DACH2: variants seen among roughly 807,000 people sequenced by gnomAD.
DACH2 encodes dachshund homolog 2.
Under a neutral mutation model 35.8 loss-of-function variants are expected in DACH2, and 17 were observed. The observed-to-expected ratio is 0.48, with a 90% CI of 0.33 to 0.71. The LOEUF (loss-of-function observed/expected upper bound fraction) is 0.71. Ranked by LOEUF, DACH2 falls within the 30% of genes least tolerant of loss-of-function variation. The pLI, the probability that DACH2 is intolerant of heterozygous loss-of-function variation, is 0.02. For missense variants in DACH2, 469 were observed against 472.7 expected, an observed-to-expected ratio of 0.99 and a Z score of 0.07; for synonymous variants, 195 against 177.3, an observed-to-expected ratio of 1.10 and a Z score of -0.79.
chrX:86,816,647 C>T (rs1460132219), intron 11 of DACH2, among the ~76,000 whole-genome samples: 1 of 111,612 alleles, frequency 9.0e-6, no homozygotes, highest in Admixed American at 9.5e-5. Flanking sequence ...ATGATTATCA[C>T]AATTGCTTAC....
At chrX:86,796,967 A>G (rs2042245800) in intron 7 of DACH2, among the ~76,000 whole-genome samples, 1 of 111,766 alleles carries the variant, frequency 8.9e-6, no homozygotes, top group South Asian at 3.7e-4. Flanking sequence ...TAATAAATTG[A>G]CAACAATAAC....
chrX:86,271,735 C>T (rs1158000747), intron 1 of DACH2, among the ~76,000 whole-genome samples: 1 of 111,725 alleles, frequency 9.0e-6, no homozygotes, highest in Non-Finnish European at 1.9e-5. Context: ...AAATATGTTA[C>T]CTTAAATTTT....
In DACH2 at chrX:86,714,594, C is replaced by G. The variant is rs1435475218; in HGVS notation, c.978C>G (p.Val326=). ...FMMMPHPLLP[V]SLPPASVAMA... ...TGATGCCTCATCCCCTACTTCCAGT[C>G]AGCTTACCTCCTGCATCAGTTGCCA... The change falls in exon 6 of 12, where the codon GTC becomes GTG. Residue 326 remains valine (V), a synonymous_variant. Transcript: ENST00000373125. 8.3e-7 allele frequency: 1 copy of G among 1,206,223 alleles called. No individual in the cohort carries two copies. Among genetic ancestry groups the G allele is most frequent in the African/African-American group, 1.7e-5 (1 of 57,211 alleles).
At chrX:86,318,119 G>A (rs956439619) in intron 1 of DACH2, among the ~76,000 whole-genome samples, 1 of 112,271 alleles carries the variant, frequency 8.9e-6, no homozygotes, top group Non-Finnish European at 1.9e-5. Flanking sequence ...CTGAATTCTA[G>A]AGGAACCAGG....
intron 3 of DACH2, among the ~76,000 whole-genome samples, chrX:86,575,924 C>A (rs766948942): frequency 8.9e-6 from 1 of 112,232 alleles, no homozygotes; most frequent in Admixed American, 9.5e-5. Context: ...AATATCTTTA[C>A]TAGTTATGAA....
At chrX:86,673,335 CAAAAAAAA>C (rs56877612) in intron 4 of DACH2, among the ~76,000 whole-genome samples, 2 of 43,196 alleles carry the variant, frequency 4.6e-5, no homozygotes, top group Admixed American at 3.7e-4. Flanking sequence ...GACTCCGTCT[CAAAAAAAA>C]AAAAAAAAAA....
chrX:86,149,970 A>G (rs187155007), intron 1 of DACH2, among the ~76,000 whole-genome samples: 23 of 111,616 alleles, frequency 2.1e-4, no homozygotes. Flanking sequence ...CATTCCCTTA[A>G]AGACAGGATT....
intron 1 of DACH2, among the ~76,000 whole-genome samples, chrX:86,162,331 T>C (rs1048653491): frequency 2.7e-5 from 3 of 111,026 alleles, no homozygotes; most frequent in South Asian, 3.8e-4. Context: ...TTAGCATTGA[T>C]GGAGTTCTAT....
At chrX:86,348,118 C>T (rs5968901) in intron 1 of DACH2, among the ~76,000 whole-genome samples, 5 of 110,375 alleles carry the variant, frequency 4.5e-5, no homozygotes, top group African/African-American at 1.6e-4. Flanking sequence ...TGGCCTCCAC[C>T]GTGCCGCATT....
chrX:86,554,376 T>C lies in DACH2; in HGVS notation c.640+39985T>C, dbSNP rs181441163. Among the ~76,000 whole-genome samples, 499 of 111,742 alleles carry C rather than the reference T, an allele frequency of 4.5e-3. 5 individuals are homozygous for C. The highest frequency in any genetic ancestry group is 0.015 in the African/African-American group (475 of 30,882). ...GTTTTAGTCTCAAGATTTTAAATGGTCACTCGTTTTATTATTAAGTTGTTT... is the reference window on the plus strand; with the variant it reads ...GTTTTAGTCTCAAGATTTTAAATGGCCACTCGTTTTATTATTAAGTTGTTT... On this transcript the variant is annotated intron_variant, in intron 3 of 11. Coordinates refer to ENST00000373125, the MANE Select transcript of DACH2 (RefSeq NM_053281.3).
chrX:86,601,798 C>T (rs980548933), intron 3 of DACH2, among the ~76,000 whole-genome samples: 7 of 112,096 alleles, frequency 6.2e-5, no homozygotes, highest in African/African-American at 2.3e-4. Context: ...TATGAAACAG[C>T]AAAATTTGGC....
chrX:86,578,289 G>A (rs2039460003), intron 3 of DACH2, among the ~76,000 whole-genome samples: 1 of 108,457 alleles, frequency 9.2e-6, no homozygotes. Context: ...AACTCTCTGT[G>A]TTCATTGTTG....
At chrX:86,634,998 T>TC (rs2040244668) in intron 3 of DACH2, among the ~76,000 whole-genome samples, 1 of 111,186 alleles carries the variant, frequency 9.0e-6, no homozygotes, top group South Asian at 3.8e-4. Flanking sequence ...AAGGAGGGAC[T>TC]CCTCCCTAAC....
intron 3 of DACH2, among the ~76,000 whole-genome samples, chrX:86,633,342 T>TA (rs1333454571): frequency 5.4e-5 from 6 of 110,116 alleles, no homozygotes; most frequent in Non-Finnish European, 1.1e-4. Context: ...ACTCGCAAAT[T>TA]AAAAAACAGA....
intron 2 of DACH2, among the ~76,000 whole-genome samples, chrX:86,414,883 G>A (rs1351291912): frequency 9.0e-6 from 1 of 111,391 alleles, no homozygotes; most frequent in African/African-American, 3.3e-5. Context: ...ACCACTCACG[G>A]TACCAAAATA....
chrX:86,212,551 A>C (rs1446286141), intron 1 of DACH2, among the ~76,000 whole-genome samples: 1 of 111,050 alleles, frequency 9.0e-6, no homozygotes, highest in African/African-American at 3.3e-5. Flanking sequence ...TTTAAAATTG[A>C]AGTTTAGTAG....
rs762777895 is a variant in DACH2, at chrX:86,302,450, G to T, written c.489-74374G>T. Among the ~76,000 whole-genome samples, 3 of 111,530 alleles carry T rather than the reference G, an allele frequency of 2.7e-5. 1 individual carries two copies. In the South Asian group the frequency reaches 1.1e-3, roughly 41 times the overall value. ...CAAACATTTCCATGGGGTAACAGAT[G>T]ACCTTTTAAAATGGTGATTTGCCCA... On this transcript the variant is annotated intron_variant, in intron 1 of 11. Coordinates refer to ENST00000373125, the MANE Select transcript of DACH2 (RefSeq NM_053281.3).
intron 2 of DACH2, among the ~76,000 whole-genome samples, chrX:86,497,578 C>A (rs947564699): frequency 5.4e-5 from 6 of 111,230 alleles, no homozygotes; most frequent in Admixed American, 9.6e-5. Context: ...AGGAAGAGAG[C>A]TGGTGAGAAT....
chrX:86,346,837 C>G (rs1467862473), intron 1 of DACH2, among the ~76,000 whole-genome samples: 1 of 111,343 alleles, frequency 9.0e-6, no homozygotes, highest in Non-Finnish European at 1.9e-5. Context: ...GTTGAGTATA[C>G]CCTCTGTGCC....
Sources: gnomAD v4.1 joint callset for allele counts (sites outside exome capture counted in the v4.1 genomes callset) on GRCh38, gnomAD v4.1.1 for gene constraint, MANE v1.5 for transcripts, NCBI Gene and HGNC (gene_info 2026-07-23, HGNC 2026-07-21) for gene names.